RIOK1: variants seen among roughly 807,000 people sequenced by gnomAD.
The protein encoded by RIOK1 is RIO kinase 1.
RIOK1 carries 66 observed loss-of-function variants against 73.5 expected under a neutral mutation model. The observed-to-expected ratio is 0.90, with a 90% CI of 0.74 to 1.10. The LOEUF is 1.10. RIOK1 is among the 50% of genes least tolerant of loss of function. The pLI is 0.00. For synonymous variants in RIOK1, 224 were observed against 226.8 expected, an observed-to-expected ratio of 0.99 and a Z score of 0.11; for missense variants, 658 against 699.8, an observed-to-expected ratio of 0.94 and a Z score of 0.67.
At chr6:7,413,242 C>G in intron 15 of RIOK1, among the ~76,000 whole-genome samples, 1 of 152,120 alleles carries the variant, frequency 6.6e-6, no homozygotes, top group Non-Finnish European at 1.5e-5. Flanking sequence ...ATTTGTGGAG[C>G]TCTTAATGAT....
intron 12 of RIOK1, 103 bp from the exon 13 acceptor site, chr6:7,410,283 T>C (rs1365841299): frequency 5.3e-6 from 4 of 750,776 alleles, no homozygotes; most frequent in Non-Finnish European, 9.3e-6. Context: ...TGTGAGGAGG[T>C]GATACTTAAA....
rs376601100 is a variant in RIOK1 at position 7,417,291 on chromosome 6, C to T, written c.1597-40C>T. On this transcript the variant is annotated intron_variant, in intron 16 of 16. Coordinates refer to ENST00000379834, the MANE Select transcript of RIOK1 (RefSeq NM_031480.3). Reference sequence around the variant, plus strand: ...AAACAAAAACAAAAAATGCATACTCCAAATGAATGAAAGTTGGCTTTTTTG... The same window carrying T: ...AAACAAAAACAAAAAATGCATACTCTAAATGAATGAAAGTTGGCTTTTTTG... The T allele has an allele frequency of 5.4e-5, 71 of 1,318,450 alleles. No homozygotes were observed. In the African/African-American group the frequency reaches 8.6e-4, roughly 16 times the overall value. 81.7% of individuals were successfully genotyped at this position (1,318,450 alleles called of 1,614,324 possible). A position where few individuals can be genotyped will look rare whatever the true frequency, so the allele number is the denominator to read the frequency against.
chr6:7,405,058 G>A (rs369226742), intron 11 of RIOK1, 37 bp downstream of exon 11: 140 of 1,536,912 alleles, frequency 9.1e-5, no homozygotes, highest in Middle Eastern at 1.7e-4. Flanking sequence ...CAGCTCATTG[G>A]TCTGTTTTGG....
rs377572516 is a variant in RIOK1, at chr6:7,406,641, T to G, written c.1203+1286T>G. Among the ~76,000 whole-genome samples, 3 of 152,228 alleles carry G rather than the reference T, an allele frequency of 2.0e-5. No homozygotes were observed. In the South Asian group the frequency reaches 6.2e-4, roughly 32 times the overall value. On this transcript the variant is annotated intron_variant, in intron 12 of 16. Coordinates refer to ENST00000379834, the MANE Select transcript of RIOK1 (RefSeq NM_031480.3). ...ATGATGTCTTCAAGATTCATCCATG[T>G]TATAGCATGTGACAGGATATCTTTT...
At position 7,390,054 on chromosome 6, in the gene RIOK1, G is replaced by A; in HGVS notation, c.52G>A (p.Asp18Asn). The change falls in exon 1 of 17, where the codon GAC (aspartate) becomes AAC (asparagine). Residue 18 changes from aspartate to asparagine, a missense_variant. Physicochemically the swap from Asp to Asn is conservative, Grantham distance 23. Coordinates refer to ENST00000379834, the MANE Select transcript of RIOK1 (RefSeq NM_031480.3). ...MSRVVPGQFD[D>N]ADSSDSENRD... ...CCGGGTGGTCCCCGGGCAATTCGAC[G>A]ACGCGGACTCCTCTGACAGGTAGGC... is the stretch of plus-strand genomic sequence containing the variant. 4 of 1,560,122 alleles carry A rather than the reference G, an allele frequency of 2.6e-6. No individual in the cohort carries two copies. Among genetic ancestry groups the A allele is most frequent in the Non-Finnish European group, 3.5e-6 (4 of 1,152,012 alleles).
intron 1 of RIOK1, among the ~76,000 whole-genome samples, chr6:7,392,400 A>G (rs1454318455): frequency 6.6e-6 from 1 of 152,152 alleles, no homozygotes; most frequent in African/African-American, 2.4e-5. Flanking sequence ...ATGAACAGGG[A>G]TGATTTGGAT....
At chr6:7,397,062 G>C (rs185570094) in intron 4 of RIOK1, among the ~76,000 whole-genome samples, 1 of 152,270 alleles carries the variant, frequency 6.6e-6, no homozygotes, top group African/African-American at 2.4e-5. Flanking sequence ...CCAGGAGTTT[G>C]AGACCAGCCT....
Position 7,416,660 on chromosome 6 carries a change from A to AAG in RIOK1, c.1597-671_1597-670insAG, listed in dbSNP as rs1329456365. On this transcript the variant is annotated intron_variant, in intron 16 of 16. Coordinates refer to ENST00000379834, the MANE Select transcript of RIOK1 (RefSeq NM_031480.3). ...CTCCGTCTCAAAAAAAAAAAAAAAA[A>AAG]GAGGAAGCTCAAGGCCGGTTATGGT... is the stretch of plus-strand genomic sequence containing the variant. 6.0e-5 allele frequency among the ~76,000 whole-genome samples: 9 copies of AAG among 150,596 alleles called. 1 individual carries two copies. The East Asian group carries it at 1.4e-3, about 23-fold the overall frequency.
In RIOK1 at chr6:7,417,469, T is replaced by C; in HGVS notation, c.*28T>C. Reference sequence around the variant, plus strand: ...TGAGAACCATATTATGTACAGTCATTTTCCTCAGTTCCTTTTCTCGCCTGA... The same window carrying C: ...TGAGAACCATATTATGTACAGTCATCTTCCTCAGTTCCTTTTCTCGCCTGA... On this transcript the variant is annotated 3_prime_UTR_variant, in exon 17 of 17. Coordinates refer to ENST00000379834, the MANE Select transcript of RIOK1 (RefSeq NM_031480.3). 1 of 1,369,596 alleles carries C rather than the reference T, an allele frequency of 7.3e-7. No individual in the cohort carries two copies. The highest frequency in any genetic ancestry group is 1.4e-5 in the South Asian group (1 of 72,820). The allele number at this position is 1,369,596 out of a possible 1,614,324, so 84.8% of individuals were successfully genotyped here. A position where few individuals can be genotyped will look rare whatever the true frequency, so the allele number is the denominator to read the frequency against.
Position 7,396,869 on chromosome 6 carries a change from A to G in RIOK1, c.437+97A>G, listed in dbSNP as rs933445624. 11 of 701,370 alleles carry G rather than the reference A, an allele frequency of 1.6e-5. No homozygotes were observed. The African/African-American group carries it at 2.0e-4, about 13-fold the overall frequency. 43.4% of individuals were successfully genotyped at this position (701,370 alleles called of 1,614,324 possible). On this transcript the variant is annotated intron_variant, in intron 4 of 16. Coordinates refer to ENST00000379834, the MANE Select transcript of RIOK1 (RefSeq NM_031480.3). ...TCTTTTACAGAGGATGTTCATTTGT[A>G]TACTTAAACCAATCATTATTTTGGT...
intron 12 of RIOK1, among the ~76,000 whole-genome samples, chr6:7,406,166 T>G (rs1761741812): frequency 6.6e-6 from 1 of 151,870 alleles, no homozygotes; most frequent in Admixed American, 6.6e-5. Context: ...CTAGCTAATT[T>G]TTATATTTTT....
rs2113511517 is a variant in RIOK1, at chr6:7,402,084, A to G, written c.574-519A>G. Among the ~76,000 whole-genome samples, 3 of 152,316 alleles carry G rather than the reference A, an allele frequency of 2.0e-5. No individual in the cohort carries two copies. The Middle Eastern group carries it at 0.01, about 518-fold the overall frequency. ...ATATTTAAATTGGATTTTACTGTAC[A>G]GTCTTGCATTGCTTAATGAAGGGAA... On this transcript the variant is annotated intron_variant, in intron 6 of 16. Coordinates refer to ENST00000379834, the MANE Select transcript of RIOK1 (RefSeq NM_031480.3).
intron 4 of RIOK1, 120 bp downstream of exon 4, chr6:7,396,892 G>GGTGTGTGTGTGTGTGTGTGTGTGTGTGT (rs150425917): frequency 9.6e-6 from 4 of 416,452 alleles, no homozygotes; most frequent in African/African-American, 6.2e-5. Flanking sequence ...TCATTATTTT[G>GGTGTGTGTGTGTGTGTGTGTGTGTGTGT]GTGTGTGTGT....
At chr6:7,395,219 A>C in intron 3 of RIOK1, 76 bp downstream of exon 3, 1 of 1,500,592 alleles carries the variant, frequency 6.7e-7, no homozygotes, top group Admixed American at 2.0e-5. Context: ...ATTTTATTAG[A>C]TCAAGAAATG....
chr6:7,404,875 T>C, intron 10 of RIOK1, 43 bp from the exon 11 acceptor site: 1 of 1,492,400 alleles, frequency 6.7e-7, no homozygotes, highest in Non-Finnish European at 9.3e-7. Flanking sequence ...AAAAACATAG[T>C]AAAGTAATAC....
chr6:7,403,651 A>G (rs1341262161), intron 8 of RIOK1, among the ~76,000 whole-genome samples: 7 of 151,796 alleles, frequency 4.6e-5, no homozygotes, highest in African/African-American at 9.7e-5. Flanking sequence ...TATCTCCTCT[A>G]TTTCCTCCAT....
intron 16 of RIOK1, among the ~76,000 whole-genome samples, chr6:7,416,130 T>C (rs1029780852): frequency 6.6e-6 from 1 of 152,188 alleles, no homozygotes; most frequent in African/African-American, 2.4e-5. Flanking sequence ...CTATTATTAT[T>C]CCATCTTAGT....
At chr6:7,404,676 A>G in intron 10 of RIOK1, 121 bp downstream of exon 10, 1 of 1,200,932 alleles carries the variant, frequency 8.3e-7, no homozygotes, top group Non-Finnish European at 1.2e-6. Flanking sequence ...TGACTTCCAA[A>G]TGGTATAAGA....
intron 2 of RIOK1, 177 bp from the exon 3 acceptor site, chr6:7,394,876 T>G (rs1761433481): frequency 2.5e-6 from 2 of 803,086 alleles, no homozygotes; most frequent in Non-Finnish European, 4.0e-6. Context: ...TTTAACCTTC[T>G]GTTTCAAATG....
Sources: allele counts gnomAD v4.1 joint callset (sites outside exome capture counted in the v4.1 genomes callset), GRCh38; gene constraint gnomAD v4.1.1; transcripts MANE v1.5; gene names NCBI Gene and HGNC (gene_info 2026-07-23, HGNC 2026-07-21).